The following PCDHA6 variants were observed in gnomAD, a reference collection of about 807,000 sequenced individuals.
The protein encoded by PCDHA6 is protocadherin alpha-6.
A neutral mutation model predicts 60.3 loss-of-function variants in PCDHA6; 55 were observed. The ratio of observed to expected loss-of-function variants is 0.91; its 90% CI spans 0.73 to 1.14. PCDHA6 has a LOEUF of 1.14. Among genes scored for constraint, PCDHA6 ranks in the 50% most tolerant of loss-of-function variants. PCDHA6 has a pLI of 0.00. For synonymous variants in PCDHA6, 652 were observed against 557.9 expected, an observed-to-expected ratio of 1.17 and a Z score of -2.38; for missense variants, 1,327 against 1,256.5, an observed-to-expected ratio of 1.06 and a Z score of -0.85.
At chr5:140,879,235 A>T (rs904336289) in intron 1 of PCDHA6, among the ~76,000 whole-genome samples, 1 of 152,240 alleles carries the variant, frequency 6.6e-6, no homozygotes, top group Non-Finnish European at 1.5e-5. Context: ...CATATACAAG[A>T]GGCACTGGCA....
intron 1 of PCDHA6, chr5:140,969,204 C>T (rs1453693936): frequency 3.2e-5 from 51 of 1,613,996 alleles, no homozygotes; most frequent in African/African-American, 1.5e-4. Context: ...AATACAGGGG[C>T]CCAGACAGGA....
At chr5:140,980,585 G>A (rs1181393743) in intron 2 of PCDHA6, among the ~76,000 whole-genome samples, 2 of 151,902 alleles carry the variant, frequency 1.3e-5, no homozygotes, top group African/African-American at 2.4e-5. Flanking sequence ...AGCCAAGATC[G>A]AGCCACTGCA....
chr5:141,007,494 G>A (rs538537497), intron 3 of PCDHA6, among the ~76,000 whole-genome samples: 20 of 152,150 alleles, frequency 1.3e-4, no homozygotes, highest in African/African-American at 4.8e-4. Flanking sequence ...CTTGGACCTA[G>A]GAGGCAGAGA....
chr5:140,920,137 T>C (rs182001221), intron 1 of PCDHA6, among the ~76,000 whole-genome samples: 29 of 152,242 alleles, frequency 1.9e-4, no homozygotes, highest in Admixed American at 1.8e-3. Flanking sequence ...TTAATTCTCC[T>C]CTCCAAACCT....
chr5:140,927,349 G>A (rs782650880), intron 1 of PCDHA6: 3 of 1,614,016 alleles, frequency 1.9e-6, no homozygotes, highest in Admixed American at 1.7e-5. Context: ...AGATGACGAC[G>A]AGGGAAGCAA....
chr5:140,963,771 GA>G (rs1459827253), intron 1 of PCDHA6, among the ~76,000 whole-genome samples: 2 of 152,164 alleles, frequency 1.3e-5, no homozygotes, highest in African/African-American at 4.8e-5. Context: ...ATTTCATGAC[GA>G]CAGCAACAAC....
At chr5:140,909,484 G>A (rs981292788) in intron 1 of PCDHA6, among the ~76,000 whole-genome samples, 1 of 152,180 alleles carries the variant, frequency 6.6e-6, no homozygotes, top group African/African-American at 2.4e-5. Context: ...CTAAATAGGA[G>A]AGCTGAACGG....
intron 1 of PCDHA6, among the ~76,000 whole-genome samples, chr5:140,909,531 G>A (rs2074565633): frequency 6.6e-6 from 1 of 152,160 alleles, no homozygotes. Flanking sequence ...CACATTTTGA[G>A]TCCTTGATGG....
chr5:140,967,367 C>A (rs1390450808), intron 1 of PCDHA6: 1 of 1,607,250 alleles, frequency 6.2e-7, no homozygotes, highest in Non-Finnish European at 8.5e-7. Flanking sequence ...TAAGCCCCTG[C>A]AGGAGAACAG....
chr5:140,906,382 G>A (rs1384682039), intron 1 of PCDHA6, among the ~76,000 whole-genome samples: 2 of 152,072 alleles, frequency 1.3e-5, no homozygotes, highest in Non-Finnish European at 2.9e-5. Context: ...ATTACATAAA[G>A]TTAACATTTA....
At chr5:140,928,800 A>G (rs782641676) in intron 1 of PCDHA6, 6 of 1,614,098 alleles carry the variant, frequency 3.7e-6, no homozygotes, top group Non-Finnish European at 4.2e-6. Flanking sequence ...GGGTGGTGGT[A>G]GTGGTTCGGG....
Position 141,012,063 on chromosome 5 carries a change from T to C in PCDHA6, c.*2126T>C, listed in dbSNP as rs948658172. ...TGGGGTAAAACTTGTTACCAACACATGTGAACCATTGCTACATTGTAGGTT... is the reference window on the plus strand; with the variant it reads ...TGGGGTAAAACTTGTTACCAACACACGTGAACCATTGCTACATTGTAGGTT... On this transcript the variant is annotated 3_prime_UTR_variant, in exon 4 of 4. Transcript: ENST00000529310. The C allele has an allele frequency of 1.3e-5, 2 of 153,778 alleles. No individual in the cohort carries two copies. The highest frequency in any genetic ancestry group is 3.8e-4 in the East Asian group (2 of 5,196). The allele number at this position is 153,778 out of a possible 1,614,324, so 9.5% of individuals were successfully genotyped here. A position where few individuals can be genotyped will look rare whatever the true frequency, so the allele number is the denominator to read the frequency against.
chr5:140,862,131 G>C (rs375206364), intron 1 of PCDHA6: 1 of 162,230 alleles, frequency 6.2e-6, no homozygotes, highest in Non-Finnish European at 1.4e-5. Context: ...TGTAAAGATA[G>C]GTTTTGAGGA....
chr5:140,851,380 C>G, intron 1 of PCDHA6: 1 of 976,622 alleles, frequency 1.0e-6, no homozygotes, highest in Non-Finnish European at 1.2e-6. Context: ...TGTTCAGCAA[C>G]CTTCAGTATC....
chr5:140,842,992 C>A, intron 1 of PCDHA6: 1 of 1,594,970 alleles, frequency 6.3e-7, no homozygotes, highest in Non-Finnish European at 8.6e-7. Flanking sequence ...TCGTGCTGGA[C>A]GAGAATGACA....
intron 1 of PCDHA6, among the ~76,000 whole-genome samples, chr5:140,951,153 G>T (rs1585399827): frequency 3.4e-5 from 1 of 29,832 alleles, no homozygotes; most frequent in Admixed American, 3.1e-4. Context: ...ATTGAATATA[G>T]TTATAGTAGC....
At chr5:140,885,328 A>G (rs2060562963) in intron 1 of PCDHA6, among the ~76,000 whole-genome samples, 1 of 152,114 alleles carries the variant, frequency 6.6e-6, no homozygotes, top group Non-Finnish European at 1.5e-5. Context: ...TTCTTTTCCA[A>G]AGTTTGAAGG....
rs199976895 is a variant in PCDHA6 at position 140,968,276 on chromosome 5, G to T, written c.2395-10673G>T. The T allele has an allele frequency of 9.2e-5, 148 of 1,613,952 alleles. No homozygotes were observed. Among genetic ancestry groups the T allele is most frequent in the Admixed American group, 5.5e-4 (33 of 60,008 alleles). On this transcript the variant is annotated intron_variant, in intron 1 of 3. Transcript: ENST00000529310. ...CCCAGATGAAAAGGAGAATGCAGAGGTGACCTACTCCCTTCTGGAGAGGGA... is the reference window on the plus strand; with the variant it reads ...CCCAGATGAAAAGGAGAATGCAGAGTTGACCTACTCCCTTCTGGAGAGGGA...
intron 1 of PCDHA6, chr5:140,861,381 G>T: frequency 2.3e-6 from 1 of 433,922 alleles, no homozygotes; most frequent in African/African-American, 2.0e-5. Context: ...TATTGCGCAG[G>T]ACCTGGGTCT....
Sources: gnomAD v4.1 joint callset for allele counts (sites outside exome capture counted in the v4.1 genomes callset) on GRCh38, gnomAD v4.1.1 for gene constraint, MANE v1.5 for transcripts, NCBI Gene and HGNC (gene_info 2026-07-23, HGNC 2026-07-21) for gene names.